NRCAM: variants seen among roughly 807,000 people sequenced by gnomAD.
NRCAM encodes the protein neuronal cell adhesion molecule.
A neutral mutation model predicts 156.5 loss-of-function variants in NRCAM; 83 were observed. The observed-to-expected ratio is 0.53, with a 90% CI of 0.44 to 0.64. The LOEUF (loss-of-function observed/expected upper bound fraction) is 0.64. NRCAM is among the 30% of genes least tolerant of loss of function. NRCAM has a pLI of 0.00. For missense variants in NRCAM, 1,417 were observed against 1,597.3 expected, an observed-to-expected ratio of 0.89 and a Z score of 1.92; for synonymous variants, 538 against 563.9, an observed-to-expected ratio of 0.95 and a Z score of 0.65.
rs1234068377 is a variant in NRCAM, at chr7:108,450,625, T to C, written c.-332+5618A>G. On this transcript the variant is annotated intron_variant, in intron 1 of 32. Coordinates refer to ENST00000379028, the MANE Select transcript of NRCAM (RefSeq NM_001037132.4). ...CCATTTTTTGGCAGTAAAAAAAGCA[T>C]ATTTATTTAACTTATCCTCATAGCA... is the stretch of plus-strand genomic sequence containing the variant. 2.6e-5 allele frequency among the ~76,000 whole-genome samples: 4 copies of C among 152,170 alleles called. No homozygotes were observed. The East Asian group carries it at 7.7e-4, about 29-fold the overall frequency.
At chr7:108,161,636 G>C (rs1013805551) in intron 30 of NRCAM, among the ~76,000 whole-genome samples, 3 of 152,132 alleles carry the variant, frequency 2.0e-5, no homozygotes, top group African/African-American at 7.2e-5. Context: ...AGGTGTGTGT[G>C]ATCTCTGGAT....
intron 2 of NRCAM, among the ~76,000 whole-genome samples, chr7:108,350,576 G>C (rs2099404747): frequency 6.6e-6 from 1 of 152,120 alleles, no homozygotes; most frequent in Admixed American, 6.5e-5. Context: ...TTGGTTACCA[G>C]TTGCCCACAG....
In NRCAM at chr7:108,180,153, T is replaced by C. The variant is rs10227650; in HGVS notation, c.2851+70A>G. On this transcript the variant is annotated intron_variant, in intron 25 of 32. Transcript: ENST00000379028. Reference sequence around the variant, plus strand: ...CAGAATATACTTTGATCAGTAGCCCTTCTGTCAGGCAAAACCTCTCAGGCC... The same window carrying C: ...CAGAATATACTTTGATCAGTAGCCCCTCTGTCAGGCAAAACCTCTCAGGCC... 1.2e-3 allele frequency: 1,675 copies of C among 1,383,396 alleles called. 18 individuals are homozygous for C. The African/African-American group carries it at 0.021, about 18-fold the overall frequency. The allele number at this position is 1,383,396 out of a possible 1,614,324, so 85.7% of individuals were successfully genotyped here. A position where few individuals can be genotyped will look rare whatever the true frequency, so the allele number is the denominator to read the frequency against.
intron 2 of NRCAM, among the ~76,000 whole-genome samples, chr7:108,387,196 C>T (rs2099743348): frequency 6.6e-6 from 1 of 152,110 alleles, no homozygotes; most frequent in Non-Finnish European, 1.5e-5. Flanking sequence ...AGTTGCTCCT[C>T]ATTTCTTTAA....
intron 3 of NRCAM, among the ~76,000 whole-genome samples, chr7:108,297,184 T>C (rs1433996125): frequency 6.6e-6 from 1 of 152,228 alleles, no homozygotes; most frequent in African/African-American, 2.4e-5. Flanking sequence ...ATCAGTGACA[T>C]ACTTCAAAGA....
At chr7:108,225,996 G>T (rs1284625599) in intron 9 of NRCAM, among the ~76,000 whole-genome samples, 1 of 152,164 alleles carries the variant, frequency 6.6e-6, no homozygotes, top group African/African-American at 2.4e-5. Context: ...CATGGAACCA[G>T]TCATGACAAT....
At chr7:108,294,192 GGT>G (rs1491573685) in intron 3 of NRCAM, among the ~76,000 whole-genome samples, 5 of 115,806 alleles carry the variant, frequency 4.3e-5, no homozygotes, top group South Asian at 7.4e-4. Flanking sequence ...TTTCTTTACT[GGT>G]TTTTTTTTTT....
Position 108,423,723 on chromosome 7 carries a change from C to T in NRCAM, c.-331-24130G>A, listed in dbSNP as rs141125825. ...TATTACACTTCATGACCTTCTTAAA[C>T]AGAATCTGACCTGTTCTCTACCACT... On this transcript the variant is annotated intron_variant, in intron 1 of 32. Transcript: ENST00000379028. Among the ~76,000 whole-genome samples the T allele has an allele frequency of 3.5e-3, 533 of 152,314 alleles. 1 individual carries two copies. The highest frequency in any genetic ancestry group is 8.3e-3 in the Admixed American group (127 of 15,310).
At chr7:108,439,480 TCCACGTTATTAG>T (rs1836017164) in intron 1 of NRCAM, among the ~76,000 whole-genome samples, 2 of 152,228 alleles carry the variant, frequency 1.3e-5, no homozygotes, top group East Asian at 3.9e-4. Context: ...GAGAATATGC[TCCACGTTATTAG>T]CCATTAGGGG....
intron 11 of NRCAM, among the ~76,000 whole-genome samples, chr7:108,222,888 A>G (rs1198755126): frequency 1.3e-5 from 2 of 152,222 alleles, no homozygotes; most frequent in Non-Finnish European, 2.9e-5. Flanking sequence ...CTTGTAACAC[A>G]GAGCTAACAT....
In NRCAM at chr7:108,180,234, G is replaced by C; in HGVS notation, c.2840C>G (p.Thr947Ser). The change falls in exon 25 of 33, where the codon ACT becomes AGT. Residue 947 changes from threonine (T) to serine (S), a missense_variant. Physicochemically the swap from Thr to Ser is moderately conservative, Grantham distance 58. Transcript: ENST00000379028. ...GPASPDRVFN[T>S]PEGVPSAPSS... is the part of the protein sequence containing the mutation. Reference sequence around the variant, plus strand: ...CGTCCATTCCATACCTCCTTCTGGAGTATTAAAGACTCTGTCAGGGCTGGC... The same window carrying C: ...CGTCCATTCCATACCTCCTTCTGGACTATTAAAGACTCTGTCAGGGCTGGC... The C allele has an allele frequency of 6.2e-7, 1 of 1,614,014 alleles. No homozygotes were observed. Among genetic ancestry groups the C allele is most frequent in the Non-Finnish European group, 8.5e-7 (1 of 1,179,934 alleles).
chr7:108,252,399 T>C (rs550611122), intron 3 of NRCAM, among the ~76,000 whole-genome samples: 1 of 152,234 alleles, frequency 6.6e-6, no homozygotes, highest in Admixed American at 6.5e-5. Flanking sequence ...AAGACTATTG[T>C]AGGCCCTTGC....
At chr7:108,155,101 T>TATACACACACACACAC (rs1270777439) in intron 32 of NRCAM, among the ~76,000 whole-genome samples, 23 of 123,116 alleles carry the variant, frequency 1.9e-4, no homozygotes, top group African/African-American at 7.8e-4. Context: ...TATATATATA[T>TATACACACACACACAC]ACACACACAC....
At chr7:108,218,889 C>T (rs1227227463) in intron 11 of NRCAM, among the ~76,000 whole-genome samples, 2 of 151,876 alleles carry the variant, frequency 1.3e-5, no homozygotes, top group Non-Finnish European at 1.5e-5. Flanking sequence ...AAACAAACAA[C>T]AAAAAATACA....
At chr7:108,175,562 A>T (rs1171554660) in intron 27 of NRCAM, among the ~76,000 whole-genome samples, 1 of 152,178 alleles carries the variant, frequency 6.6e-6, no homozygotes, top group Non-Finnish European at 1.5e-5. Flanking sequence ...TTTTATCAGG[A>T]TACCCAGTTT....
intron 2 of NRCAM, among the ~76,000 whole-genome samples, chr7:108,355,450 T>C (rs1437931467): frequency 6.6e-6 from 1 of 152,178 alleles, no homozygotes; most frequent in Non-Finnish European, 1.5e-5. Context: ...GGATGAAAGA[T>C]GCTGTATGAT....
chr7:108,283,822 A>G (rs957551624), intron 3 of NRCAM, among the ~76,000 whole-genome samples: 2 of 151,996 alleles, frequency 1.3e-5, no homozygotes, highest in African/African-American at 4.8e-5. Context: ...TTCATCCTGT[A>G]TATGTCACTC....
intron 2 of NRCAM, among the ~76,000 whole-genome samples, chr7:108,339,881 CTAAG>C (rs2099255934): frequency 6.8e-6 from 1 of 147,066 alleles, no homozygotes; most frequent in Admixed American, 6.8e-5. Flanking sequence ...CCCTCAGACT[CTAAG>C]AAAGAAACGA....
rs558023005 is a variant in NRCAM at position 108,240,739 on chromosome 7, T to C, written c.-106-569A>G. ...TAGTCACCCTCCTTCACAGTGCTGA[T>C]TAATTTTTTCTACAAGGCCTTTTCT... On this transcript the variant is annotated intron_variant, in intron 3 of 32. Transcript: ENST00000379028. Among the ~76,000 whole-genome samples, 3 of 152,280 alleles carry C rather than the reference T, an allele frequency of 2.0e-5. No individual in the cohort carries two copies. In the South Asian group the frequency reaches 6.2e-4, roughly 32 times the overall value.
Sources: gnomAD v4.1 joint callset for allele counts (sites outside exome capture counted in the v4.1 genomes callset) on GRCh38, gnomAD v4.1.1 for gene constraint, MANE v1.5 for transcripts, NCBI Gene and HGNC (gene_info 2026-07-23, HGNC 2026-07-21) for gene names.